Variants in VPS13B observed in about 807,000 individuals in gnomAD.
VPS13B encodes vacuolar protein sorting 13 homolog B, also known as intermembrane lipid transfer protein VPS13B.
Under a neutral mutation model 426.4 loss-of-function variants are expected in VPS13B, and 285 were observed. The observed-to-expected ratio is 0.67, with a 90% CI of 0.61 to 0.74. The LOEUF (loss-of-function observed/expected upper bound fraction) is 0.74, where lower values mean the gene tolerates loss of function less well. VPS13B is among the 30% of genes least tolerant of loss of function. The pLI is 0.00. For synonymous variants in VPS13B, 1,676 were observed against 1,676.4 expected (o/e 1.00, Z 0.01); for missense variants, 4,537 against 4,782.6 (o/e 0.95, Z 1.51).
At chr8:99,093,300 C>G (rs1012690944) in intron 3 of VPS13B, among the ~76,000 whole-genome samples, 16 of 151,836 alleles carry the variant, frequency 1.1e-4, no homozygotes, top group African/African-American at 3.6e-4. Context: ...ACTTAGAGTT[C>G]TTTACACTGC....
At chr8:99,383,188 G>A (rs185386861) in intron 19 of VPS13B, among the ~76,000 whole-genome samples, 1 of 152,256 alleles carries the variant, frequency 6.6e-6, no homozygotes, top group East Asian at 1.9e-4. Flanking sequence ...GGTTGGAATT[G>A]CAGCCTGTTA....
rs753922954 is a variant in VPS13B, at chr8:99,161,694, G to A, written c.2208+4951G>A. Among the ~76,000 whole-genome samples, 138 of 151,208 alleles carry A rather than the reference G, an allele frequency of 9.1e-4. 1 individual carries two copies. Among genetic ancestry groups the A allele is most frequent in the Non-Finnish European group, 9.4e-4 (64 of 67,916 alleles). ...CAGAGTGGGAATAGCATTAATATGC[G>A]TGGGAAAACCATTCCCTGGTGTTAA... On this transcript the variant is annotated intron_variant, in intron 15 of 61. Coordinates refer to ENST00000357162, the MANE Select transcript of VPS13B (RefSeq NM_152564.5).
At chr8:99,288,731 C>T (rs2133039328) in intron 19 of VPS13B, among the ~76,000 whole-genome samples, 1 of 152,080 alleles carries the variant, frequency 6.6e-6, no homozygotes, top group Non-Finnish European at 1.5e-5. Context: ...AATGTGTCTT[C>T]TTTTTGATGT....
chr8:99,578,437 T>C (rs780294896), intron 33 of VPS13B, among the ~76,000 whole-genome samples: 16 of 152,172 alleles, frequency 1.1e-4, no homozygotes, highest in Non-Finnish European at 2.4e-4. Flanking sequence ...TTATGTATTA[T>C]AACTGTGACA....
chr8:99,133,253 C>T (rs1809897470), intron 8 of VPS13B, among the ~76,000 whole-genome samples: 1 of 152,196 alleles, frequency 6.6e-6, no homozygotes, highest in African/African-American at 2.4e-5. Context: ...CCATAAGGCT[C>T]ATGAACAGAC....
chr8:99,345,641 C>T (rs1254209533), intron 19 of VPS13B, among the ~76,000 whole-genome samples: 1 of 151,984 alleles, frequency 6.6e-6, no homozygotes, highest in Non-Finnish European at 1.5e-5. Flanking sequence ...TTCTTATATA[C>T]ACTTTTTGTG....
At chr8:99,266,293 T>C (rs1238690359) in intron 17 of VPS13B, among the ~76,000 whole-genome samples, 1 of 151,822 alleles carries the variant, frequency 6.6e-6, no homozygotes, top group Non-Finnish European at 1.5e-5. Flanking sequence ...ATGCCTGTAG[T>C]CCCAGCTACC....
At chr8:99,531,467 TC>T (rs1822932618) in intron 30 of VPS13B, among the ~76,000 whole-genome samples, 1 of 152,170 alleles carries the variant, frequency 6.6e-6, no homozygotes, top group Non-Finnish European at 1.5e-5. Context: ...ATGAATCTTT[TC>T]TCTTTTCTCC....
At chr8:99,861,394 T>C (rs1164706662) in intron 57 of VPS13B, among the ~76,000 whole-genome samples, 1 of 152,220 alleles carries the variant, frequency 6.6e-6, no homozygotes, top group African/African-American at 2.4e-5. Context: ...CTTGACGTCC[T>C]GGGCTTAGGC....
chr8:99,832,575 T>C lies in VPS13B; in HGVS notation c.9537T>C (p.Ala3179=). ...GCTCACAGTGCTGGAGCCTGCCAGC[T>C]ATAGTTAGACCAGAGTTTCCCAGAC... The part of the protein sequence containing the change: ...ADSSQCWSLP[A]IVRPEFPRQS... The change falls in exon 52 of 62, where the codon GCT becomes GCC. Residue 3179 remains alanine (A), a synonymous_variant. Coordinates refer to ENST00000357162, the MANE Select transcript of VPS13B (RefSeq NM_152564.5). 2 of 1,613,968 alleles carry C rather than the reference T, an allele frequency of 1.2e-6. No individual in the cohort carries two copies.
At chr8:99,092,712 A>G (rs958672135) in intron 3 of VPS13B, among the ~76,000 whole-genome samples, 2 of 152,130 alleles carry the variant, frequency 1.3e-5, no homozygotes, top group African/African-American at 2.4e-5. Context: ...TATAGTATAT[A>G]CATTGTCAAA....
chr8:99,499,148 C>A (rs949890388), intron 25 of VPS13B, among the ~76,000 whole-genome samples: 2 of 152,112 alleles, frequency 1.3e-5, no homozygotes, highest in African/African-American at 4.8e-5. Flanking sequence ...TATTTTAGAA[C>A]TTGGCCTAAG....
At chr8:99,487,242 G>T (rs1243191063) in intron 25 of VPS13B, among the ~76,000 whole-genome samples, 1 of 151,988 alleles carries the variant, frequency 6.6e-6, no homozygotes, top group Non-Finnish European at 1.5e-5. Flanking sequence ...AGCACTTTTC[G>T]GTATTAAATT....
Position 99,778,915 on chromosome 8 carries a change from T to G in VPS13B, c.7663T>G (p.Ser2555Ala), listed in dbSNP as rs887354798. The G allele has an allele frequency of 6.2e-7, 1 of 1,613,882 alleles. No individual in the cohort carries two copies. The highest frequency in any genetic ancestry group is 1.3e-5 in the African/African-American group (1 of 74,930). Residue 2555 changes from serine (S) to alanine (A), a missense_variant, in exon 42 of 62, where the codon TCC becomes GCC. Physicochemically the swap from Ser to Ala is moderately conservative, Grantham distance 99. This residue lies in a region of VPS13B where 4,311 missense variants were observed against 4,474.3 expected (regional missense o/e 0.96). Transcript: ENST00000357162. ...PFSIFGQMAV[S>A]SDVVEKLLDC... is the part of the protein sequence containing the mutation. ...CAGCATCTTCGGGCAGATGGCAGTT[T>G]CCAGCGATGTAGTGGAAAAGCTGCT...
At chr8:99,399,766 T>C (rs969287140) in intron 21 of VPS13B, among the ~76,000 whole-genome samples, 5 of 152,210 alleles carry the variant, frequency 3.3e-5, no homozygotes, top group African/African-American at 1.2e-4. Flanking sequence ...ATTTAGTATG[T>C]CTCCATGTGT....
intron 33 of VPS13B, among the ~76,000 whole-genome samples, chr8:99,615,117 C>CAAA (rs747102670): frequency 8.5e-5 from 5 of 58,582 alleles, no homozygotes; most frequent in Admixed American, 1.8e-4. Context: ...AACTCCGTCT[C>CAAA]AAAAAAAAAA....
At chr8:99,066,867 A>G (rs923152620) in intron 3 of VPS13B, among the ~76,000 whole-genome samples, 4 of 152,384 alleles carry the variant, frequency 2.6e-5, no homozygotes, top group Non-Finnish European at 4.4e-5. Context: ...GAAGACATCT[A>G]TGCAGCCAAC....
chr8:99,381,836 T>G (rs146215712), intron 19 of VPS13B, among the ~76,000 whole-genome samples: 21 of 152,228 alleles, frequency 1.4e-4, no homozygotes, highest in Middle Eastern at 3.4e-3. Flanking sequence ...TTTGCAAAAA[T>G]TTTCTCCCAT....
At chr8:99,645,561 G>T (rs185030564) in intron 34 of VPS13B, among the ~76,000 whole-genome samples, 8 of 152,282 alleles carry the variant, frequency 5.3e-5, no homozygotes, top group Admixed American at 5.2e-4. Flanking sequence ...GTCCATTCCA[G>T]TTCTGAAGTT....
Sources: gnomAD v4.1 joint callset for allele counts (sites outside exome capture counted in the v4.1 genomes callset) on GRCh38, gnomAD v4.1.1 for gene constraint, gnomAD v4.1.1 regional missense constraint, MANE v1.5 for transcripts, NCBI Gene and HGNC (gene_info 2026-07-23, HGNC 2026-07-21) for gene names.